ZSCAN25: variants seen among roughly 807,000 people sequenced by gnomAD.
ZSCAN25 encodes the protein zinc finger and SCAN domain-containing protein 25.
Under a neutral mutation model 38.7 loss-of-function variants are expected in ZSCAN25, and 27 were observed. That is an observed-to-expected ratio of 0.70 (90% CI 0.51 to 0.96). The LOEUF (loss-of-function observed/expected upper bound fraction) is 0.96, where lower values mean the gene tolerates loss of function less well. ZSCAN25 is among the 40% of genes least tolerant of loss of function. ZSCAN25 has a pLI of 0.00. For synonymous variants in ZSCAN25, 273 were observed against 277.7 expected, an observed-to-expected ratio of 0.98 and a Z score of 0.17; for missense variants, 637 against 705.9, an observed-to-expected ratio of 0.90 and a Z score of 1.11.
chr7:99,668,262 G>T, the ZSCAN25 span, among the ~76,000 whole-genome samples: 1 of 152,142 alleles, frequency 6.6e-6, no homozygotes, highest in Non-Finnish European at 1.5e-5. Flanking sequence ...ACTATAAAAT[G>T]TTGAGGAAAG....
the ZSCAN25 span, chr7:99,717,603 A>T: frequency 2.7e-5 from 44 of 1,613,708 alleles, no homozygotes; most frequent in Non-Finnish European, 3.6e-5. Flanking sequence ...TCAGCTATAG[A>T]GATGGCATTT....
chr7:99,719,859 G>A, the ZSCAN25 span, among the ~76,000 whole-genome samples: 113 of 152,108 alleles, frequency 7.4e-4, no homozygotes, highest in Admixed American at 2.4e-3. Flanking sequence ...TTAGTAGGGC[G>A]TGGTGGTGCA....
chr7:99,717,027 C>G, the ZSCAN25 span: 4 of 760,154 alleles, frequency 5.3e-6, no homozygotes, highest in East Asian at 1.1e-4. Context: ...CGGAGCTGCC[C>G]CATCTTGGGA....
At chr7:99,649,953 C>A in the ZSCAN25 span, 1 of 1,269,768 alleles carries the variant, frequency 7.9e-7, no homozygotes, top group South Asian at 1.5e-5. Flanking sequence ...AAGATGGATC[C>A]AAGTAGGTTC....
intron 7 of ZSCAN25, among the ~76,000 whole-genome samples, chr7:99,628,010 G>A (rs943853721): frequency 1.3e-5 from 2 of 151,938 alleles, no homozygotes; most frequent in Non-Finnish European, 2.9e-5. Flanking sequence ...CCAGCACTCA[G>A]TGAGGCAGAG....
At chr7:99,645,975 C>T in the ZSCAN25 span, among the ~76,000 whole-genome samples, 1 of 152,098 alleles carries the variant, frequency 6.6e-6, no homozygotes, top group Non-Finnish European at 1.5e-5. Flanking sequence ...GTCTATGTGT[C>T]TGTTTTTATA....
the ZSCAN25 span, among the ~76,000 whole-genome samples, chr7:99,640,942 T>C: frequency 6.6e-6 from 1 of 152,186 alleles, no homozygotes. Flanking sequence ...CCACATACAC[T>C]AGCCGTAGCT....
chr7:99,670,075 A>G, the ZSCAN25 span, among the ~76,000 whole-genome samples: 2,588 of 152,296 alleles, frequency 0.017, 67 homozygotes, highest in African/African-American at 0.057. Context: ...GAATTCCTTA[A>G]AAGTATGGAT....
At position 99,631,987 on chromosome 7, in the gene ZSCAN25, A is replaced by C. The variant is rs1229821656; in HGVS notation, c.*1967A>C. 2.0e-6 allele frequency: 2 copies of C among 985,270 alleles called. No individual in the cohort carries two copies. The highest frequency in any genetic ancestry group is 2.4e-6 in the Non-Finnish European group (2 of 829,946). 61.0% of individuals were successfully genotyped at this position (985,270 alleles called of 1,614,324 possible). A position where few individuals can be genotyped will look rare whatever the true frequency, so the allele number is the denominator to read the frequency against. ...CTGGCCTGAGTGTGGCCTTCCCCAG[A>C]GGGTGGTTTTCCAAAGGCAGGTGGG... On this transcript the variant is annotated 3_prime_UTR_variant, in exon 8 of 8. Coordinates refer to ENST00000394152, the MANE Select transcript of ZSCAN25 (RefSeq NM_145115.3).
the ZSCAN25 span, among the ~76,000 whole-genome samples, chr7:99,655,100 A>G: frequency 2.6e-5 from 4 of 152,084 alleles, no homozygotes; most frequent in East Asian, 1.9e-4. Flanking sequence ...CCATTTGTCA[A>G]TTTTGGCTTT....
the ZSCAN25 span, chr7:99,652,703 G>A: frequency 6.2e-7 from 1 of 1,614,090 alleles, no homozygotes; most frequent in Non-Finnish European, 8.5e-7. Flanking sequence ...AATAGCAACT[G>A]GGAATAATCT....
the ZSCAN25 span, among the ~76,000 whole-genome samples, chr7:99,641,012 G>A: frequency 6.6e-6 from 1 of 152,204 alleles, no homozygotes; most frequent in Non-Finnish European, 1.5e-5. Flanking sequence ...AGAGCTTCAT[G>A]TTTTCCCTTC....
At chr7:99,670,374 A>G in the ZSCAN25 span, among the ~76,000 whole-genome samples, 1 of 152,222 alleles carries the variant, frequency 6.6e-6, no homozygotes, top group East Asian at 1.9e-4. Context: ...GCAAGCTCAA[A>G]TTAAGGCAAA....
intron 7 of ZSCAN25, among the ~76,000 whole-genome samples, chr7:99,626,219 C>T (rs1279489825): frequency 1.3e-5 from 2 of 152,210 alleles, no homozygotes; most frequent in African/African-American, 4.8e-5. Context: ...GAATGCAGGA[C>T]TCTGCAGGCT....
At chr7:99,682,734 A>T in the ZSCAN25 span, among the ~76,000 whole-genome samples, 1 of 152,106 alleles carries the variant, frequency 6.6e-6, no homozygotes, top group Non-Finnish European at 1.5e-5. Flanking sequence ...CATTTTTAAC[A>T]ATATTAATGC....
chr7:99,638,542 G>T, the ZSCAN25 span: 1 of 1,519,676 alleles, frequency 6.6e-7, no homozygotes, highest in Non-Finnish European at 9.1e-7. Context: ...GTGTAGTTAT[G>T]CCGCGAGAGC....
chr7:99,695,444 C>A, the ZSCAN25 span, among the ~76,000 whole-genome samples: 1 of 152,122 alleles, frequency 6.6e-6, no homozygotes, highest in South Asian at 2.1e-4. Flanking sequence ...TCCTGGGAAC[C>A]TACATGGGGC....
At chr7:99,714,439 A>G in the ZSCAN25 span, 1 of 1,493,660 alleles carries the variant, frequency 6.7e-7, no homozygotes, top group Non-Finnish European at 9.0e-7. Context: ...AAACATAAGT[A>G]CTCTTTATGT....
chr7:99,720,280 T>A, the ZSCAN25 span: 1 of 1,610,018 alleles, frequency 6.2e-7, no homozygotes, highest in Non-Finnish European at 8.5e-7. Context: ...AATCAATCAA[T>A]GAGTATTTTA....
Sources: gnomAD v4.1 joint callset for allele counts (sites outside exome capture counted in the v4.1 genomes callset) on GRCh38, gnomAD v4.1.1 for gene constraint, MANE v1.5 for transcripts, NCBI Gene and HGNC (gene_info 2026-07-23, HGNC 2026-07-21) for gene names.